The following PDE4D variants were observed in gnomAD, a reference collection of about 807,000 sequenced individuals.
PDE4D encodes the protein 3',5'-cyclic-AMP phosphodiesterase 4D.
PDE4D carries 24 observed loss-of-function variants against 87.4 expected under a neutral mutation model. That is an observed-to-expected ratio of 0.27 (90% CI 0.20 to 0.39). PDE4D has a LOEUF of 0.39. Among genes scored for constraint, PDE4D ranks in the 10% least tolerant of loss-of-function variants. PDE4D has a pLI of 1.00. For missense variants in PDE4D, 714 were observed against 1,041.0 expected (o/e 0.69, Z 4.32); for synonymous variants, 384 against 383.2 (o/e 1.00, Z -0.02).
chr5:60,418,790 C>T lies in PDE4D; in HGVS notation c.-90+69152G>A, dbSNP rs192159413. Among the ~76,000 whole-genome samples, 64 of 152,224 alleles carry T rather than the reference C, an allele frequency of 4.2e-4. 1 individual carries two copies. Among genetic ancestry groups the T allele is most frequent in the African/African-American group, 1.5e-3 (63 of 41,536 alleles). ...GTAGAAATAAGTTACTAACTCTAGT[C>T]ACCCTGTTGTGCTATCAAATAGTAG... On this transcript the variant is annotated intron_variant, in intron 1 of 16. Coordinates refer to the PDE4D transcript ENST00000502484.
At chr5:60,085,234 G>A (rs1774405901) in intron 2 of PDE4D, among the ~76,000 whole-genome samples, 1 of 152,134 alleles carries the variant, frequency 6.6e-6, no homozygotes, top group African/African-American at 2.4e-5. Flanking sequence ...AATAGCAGAT[G>A]CTGGGTAGTT....
At chr5:59,904,419 G>C (rs1260074223) in intron 3 of PDE4D, among the ~76,000 whole-genome samples, 1 of 152,096 alleles carries the variant, frequency 6.6e-6, no homozygotes, top group African/African-American at 2.4e-5. Flanking sequence ...AGCCATTTTA[G>C]GATTAGCCAT....
chr5:60,324,141 C>T (rs906058928), intron 1 of PDE4D, among the ~76,000 whole-genome samples: 3 of 152,202 alleles, frequency 2.0e-5, no homozygotes, highest in African/African-American at 7.2e-5. Flanking sequence ...TAGCACCCAA[C>T]ATATTGCAAA....
chr5:59,549,896 A>T (rs943643628), intron 1 of PDE4D, among the ~76,000 whole-genome samples: 1 of 152,030 alleles, frequency 6.6e-6, no homozygotes, highest in African/African-American at 2.4e-5. Flanking sequence ...TCTCAAGGTT[A>T]TTAACCATCA....
At chr5:60,395,276 AT>A (rs924227327) in intron 1 of PDE4D, among the ~76,000 whole-genome samples, 2 of 150,804 alleles carry the variant, frequency 1.3e-5, no homozygotes, top group African/African-American at 4.9e-5. Flanking sequence ...ACCACTAATT[AT>A]TCTGAGGTCT....
chr5:59,118,926 T>C (rs376487306), intron 5 of PDE4D, among the ~76,000 whole-genome samples: 1 of 152,116 alleles, frequency 6.6e-6, no homozygotes, highest in South Asian at 2.1e-4. Context: ...GGAAAAAATA[T>C]AAAAGTAAAG....
rs760946927 is a variant in PDE4D, at chr5:60,324,794, C to T, written c.-89-139107G>A. The stretch of plus-strand genomic sequence containing the variant: ...AAAATGGAGGTGATAATACCTACGC[C>T]TCATATGGTTACTGTGAACCTCATA... On this transcript the variant is annotated intron_variant, in intron 1 of 16. Transcript: ENST00000502484. 2.6e-5 allele frequency among the ~76,000 whole-genome samples: 4 copies of T among 152,196 alleles called. No homozygotes were observed. In the East Asian group the frequency reaches 5.8e-4, roughly 22 times the overall value.
intron 1 of PDE4D, among the ~76,000 whole-genome samples, chr5:59,618,516 T>C (rs1334344451): frequency 1.3e-5 from 2 of 152,144 alleles, no homozygotes; most frequent in Admixed American, 6.6e-5. Flanking sequence ...TGGCCTCTAT[T>C]CTGAAAGCAA....
At chr5:59,287,588 G>T (rs982668365) in intron 1 of PDE4D, among the ~76,000 whole-genome samples, 1 of 152,038 alleles carries the variant, frequency 6.6e-6, no homozygotes, top group African/African-American at 2.4e-5. Context: ...CCAAGCAGTG[G>T]TTACTGCAGG....
At chr5:60,263,444 A>G (rs1749859830) in intron 1 of PDE4D, among the ~76,000 whole-genome samples, 1 of 152,212 alleles carries the variant, frequency 6.6e-6, no homozygotes, top group Admixed American at 6.5e-5. Context: ...TAGGCAAAGA[A>G]CAAGTGACAA....
Position 59,463,595 on chromosome 5 carries a change from A to C in PDE4D, c.456-247627T>G, listed in dbSNP as rs147961158. On this transcript the variant is annotated intron_variant, in intron 1 of 14. Transcript: ENST00000340635. Reference sequence around the variant, plus strand: ...CTAACAAAGGTATTCAAAGGAATTTATGATAATCATTCTATTGTTTGAATT... The same window carrying C: ...CTAACAAAGGTATTCAAAGGAATTTCTGATAATCATTCTATTGTTTGAATT... Among the ~76,000 whole-genome samples, 700 of 152,324 alleles carry C rather than the reference A, an allele frequency of 4.6e-3. 10 individuals are homozygous for C. The highest frequency in any genetic ancestry group is 0.016 in the African/African-American group (657 of 41,568).
chr5:60,030,606 C>G (rs1767141949), intron 2 of PDE4D, among the ~76,000 whole-genome samples: 1 of 152,194 alleles, frequency 6.6e-6, no homozygotes. Flanking sequence ...CAGCATAAAT[C>G]AAATCTTAAA....
intron 1 of PDE4D, among the ~76,000 whole-genome samples, chr5:59,279,513 A>G (rs925729730): frequency 6.6e-6 from 1 of 152,042 alleles, no homozygotes; most frequent in Admixed American, 6.6e-5. Flanking sequence ...TTCCCAAAGG[A>G]GAAGTCCGGA....
At chr5:59,859,482 T>C (rs2152726505) in intron 1 of PDE4D, among the ~76,000 whole-genome samples, 1 of 152,272 alleles carries the variant, frequency 6.6e-6, no homozygotes, top group Non-Finnish European at 1.5e-5. Flanking sequence ...GTTCACATGA[T>C]AATAAGGTTA....
At chr5:59,480,621 A>C (rs987586436) in intron 1 of PDE4D, among the ~76,000 whole-genome samples, 1 of 152,162 alleles carries the variant, frequency 6.6e-6, no homozygotes, top group Non-Finnish European at 1.5e-5. Flanking sequence ...TAATGGGTCC[A>C]ATATGCCAGG....
chr5:60,088,453 TC>T (rs1379654340), intron 2 of PDE4D, among the ~76,000 whole-genome samples: 2 of 151,948 alleles, frequency 1.3e-5, no homozygotes, highest in Non-Finnish European at 2.9e-5. Context: ...TTAAATAATC[TC>T]AACAATTGAT....
chr5:60,060,686 C>T (rs926105978), intron 2 of PDE4D, among the ~76,000 whole-genome samples: 3 of 151,986 alleles, frequency 2.0e-5, no homozygotes, highest in Non-Finnish European at 2.9e-5. Context: ...CCACCTGGGA[C>T]CTGGCTATTA....
chr5:59,807,695 C>T (rs191996563), intron 1 of PDE4D, among the ~76,000 whole-genome samples: 376 of 152,266 alleles, frequency 2.5e-3, no homozygotes, highest in African/African-American at 8.7e-3. Flanking sequence ...CAGATAGAAC[C>T]GAAACATTCA....
intron 1 of PDE4D, among the ~76,000 whole-genome samples, chr5:59,796,574 G>A (rs1049008048): frequency 6.6e-5 from 10 of 152,208 alleles, no homozygotes; most frequent in Non-Finnish European, 2.9e-5. Flanking sequence ...TTCACACACA[G>A]TGACTATTAA....
Sources: allele counts gnomAD v4.1 joint callset (sites outside exome capture counted in the v4.1 genomes callset), GRCh38; gene constraint gnomAD v4.1.1; transcripts MANE v1.5; gene names NCBI Gene and HGNC (gene_info 2026-07-23, HGNC 2026-07-21).